Variants in SPINK1 observed in about 807,000 individuals in gnomAD.
SPINK1 encodes serine protease inhibitor Kazal-type 1.
In SPINK1, 5 loss-of-function variants were observed where a neutral mutation model predicts 9.5. The ratio of observed to expected loss-of-function variants is 0.52; its 90% CI spans 0.27 to 1.10. The LOEUF (loss-of-function observed/expected upper bound fraction) is 1.10. Ranked by LOEUF, SPINK1 falls within the 50% of genes least tolerant of loss-of-function variation. SPINK1 has a pLI of 0.11. For synonymous variants in SPINK1, 37 were observed against 32.3 expected (o/e 1.14, Z -0.49); for missense variants, 88 against 92.7 (o/e 0.95, Z 0.21).
chr5:147,831,909 T>G, upstream of SPINK1: 1 of 925,272 alleles, frequency 1.1e-6, no homozygotes. Context: ...TCAAGCCTGT[T>G]TTCTCACCTG....
At chr5:147,836,111 T>A (rs1580946738), upstream of SPINK1, among the ~76,000 whole-genome samples, 3 of 152,206 alleles carry the variant, frequency 2.0e-5, no homozygotes, top group Middle Eastern at 0.01. Context: ...TCCTCATCAT[T>A]ATCATTATAG....
intron 3 of SPINK1, 147 bp downstream of exon 3, chr5:147,827,875 A>G: frequency 1.6e-6 from 1 of 612,344 alleles, no homozygotes; most frequent in Non-Finnish European, 2.8e-6. Context: ...AATGCTAAAT[A>G]TATAAAAGGG....
intron 3 of SPINK1, among the ~76,000 whole-genome samples, chr5:147,826,810 T>G (rs1756413006): frequency 6.6e-6 from 1 of 152,202 alleles, no homozygotes; most frequent in Non-Finnish European, 1.5e-5. Flanking sequence ...TGCTAAACTC[T>G]GAGAATTTTC....
chr5:147,831,402 T>C (rs1166168189), intron 1 of SPINK1, 121 bp downstream of exon 1: 2 of 1,279,246 alleles, frequency 1.6e-6, no homozygotes, highest in Admixed American at 4.2e-5. Context: ...TTATTTCATC[T>C]CATTAGGTCC....
intron 2 of SPINK1, among the ~76,000 whole-genome samples, chr5:147,828,711 G>A (rs551273494): frequency 3.9e-4 from 60 of 152,242 alleles, no homozygotes; most frequent in African/African-American, 1.4e-3. Flanking sequence ...ACTATCCTGT[G>A]AACTAAGTAT....
chr5:147,830,830 G>T (rs1320673466), intron 1 of SPINK1, among the ~76,000 whole-genome samples: 3 of 152,112 alleles, frequency 2.0e-5, no homozygotes, highest in African/African-American at 7.2e-5. Flanking sequence ...GGCTCTGCGG[G>T]TTCAGAGTTG....
chr5:147,838,920 GAC>G, the SPINK1 span, among the ~76,000 whole-genome samples: 1,175 of 152,182 alleles, frequency 7.7e-3, 18 homozygotes, highest in African/African-American at 0.027. Flanking sequence ...AGAGGGAGAG[GAC>G]CTGGATTGAT....
intron 2 of SPINK1, 63 bp downstream of exon 2, chr5:147,829,536 T>G: frequency 6.6e-7 from 1 of 1,511,040 alleles, no homozygotes; most frequent in Non-Finnish European, 9.2e-7. Context: ...ACAGCAAGGC[T>G]GCATTTTTGT....
At chr5:147,827,716 G>T in intron 3 of SPINK1, 1 of 247,890 alleles carries the variant, frequency 4.0e-6, no homozygotes, top group South Asian at 6.4e-5. Context: ...ATAACTGAGG[G>T]CTTTAAAAAA....
chr5:147,829,365 A>G (rs1756467575), intron 2 of SPINK1, among the ~76,000 whole-genome samples: 1 of 152,178 alleles, frequency 6.6e-6, no homozygotes, highest in East Asian at 1.9e-4. Flanking sequence ...AAACCCCTTC[A>G]CAGCAAGCAC....
chr5:147,825,134 G>A (rs1180929640), intron 3 of SPINK1, among the ~76,000 whole-genome samples: 1 of 152,132 alleles, frequency 6.6e-6, no homozygotes, highest in Non-Finnish European at 1.5e-5. Flanking sequence ...ATTCGTATCT[G>A]TGAGGTCTCA....
At chr5:147,837,514 T>C in the SPINK1 span, among the ~76,000 whole-genome samples, 11 of 152,156 alleles carry the variant, frequency 7.2e-5, no homozygotes, top group Admixed American at 6.5e-5. Context: ...ACTTCTACTA[T>C]TGCTGCCATA....
chr5:147,831,488 G>C, intron 1 of SPINK1, 35 bp downstream of exon 1: 1 of 1,612,082 alleles, frequency 6.2e-7, no homozygotes, highest in Admixed American at 1.7e-5. Flanking sequence ...GGTCAAAACA[G>C]TTTTATTTAA....
At position 147,825,502 on chromosome 5, in the gene SPINK1, T is replaced by A. The variant is rs549972034; in HGVS notation, c.195-796A>T. Among the ~76,000 whole-genome samples, 4 of 151,794 alleles carry A rather than the reference T, an allele frequency of 2.6e-5. No individual in the cohort carries two copies. In the East Asian group the frequency reaches 7.7e-4, roughly 29 times the overall value. On this transcript the variant is annotated intron_variant, in intron 3 of 3. Transcript: ENST00000296695. ...TGTTGCCCAGGCTGGAGTGCAGTGG[T>A]GTGACCTTGGCTCACTGCAGCCTCC...
upstream of SPINK1, among the ~76,000 whole-genome samples, chr5:147,832,366 CCTCT>C (rs910277668): frequency 9.6e-4 from 146 of 152,294 alleles, no homozygotes; most frequent in African/African-American, 3.2e-3. Flanking sequence ...AATTCTCCAT[CCTCT>C]CTCATGTTTT....
At chr5:147,826,462 CAGAAA>C (rs1325438064) in intron 3 of SPINK1, among the ~76,000 whole-genome samples, 2 of 152,148 alleles carry the variant, frequency 1.3e-5, no homozygotes, top group Non-Finnish European at 2.9e-5. Context: ...AAAGAATAAG[CAGAAA>C]CTCGGAGGTT....
intron 2 of SPINK1, among the ~76,000 whole-genome samples, chr5:147,828,419 T>C (rs1051301574): frequency 1.3e-5 from 2 of 152,174 alleles, no homozygotes; most frequent in Non-Finnish European, 2.9e-5. Context: ...TCTCATAGTG[T>C]TGTTGTGAGA....
At chr5:147,831,482 A>G in intron 1 of SPINK1, 41 bp downstream of exon 1, 5 of 1,611,582 alleles carry the variant, frequency 3.1e-6, no homozygotes, top group African/African-American at 1.3e-5. Flanking sequence ...GCAACAGGTC[A>G]AAACAGTTTT....
chr5:147,837,649 T>TCTTCTTTCTTTCTTTCTTTCTTTC, the SPINK1 span, among the ~76,000 whole-genome samples: 5 of 107,032 alleles, frequency 4.7e-5, no homozygotes, highest in African/African-American at 1.8e-4. Context: ...CATTAACTTC[T>TCTTCTTTCTTTCTTTCTTTCTTTC]TTTCTTTCTT....
Sources: gnomAD v4.1 joint callset for allele counts (sites outside exome capture counted in the v4.1 genomes callset) on GRCh38, gnomAD v4.1.1 for gene constraint, MANE v1.5 for transcripts, NCBI Gene and HGNC (gene_info 2026-07-23, HGNC 2026-07-21) for gene names.